ATP8A1: variants seen among roughly 807,000 people sequenced by gnomAD.
ATP8A1 encodes the protein phospholipid-transporting ATPase IA.
Under a neutral mutation model 177.7 loss-of-function variants are expected in ATP8A1, and 90 were observed. The observed-to-expected ratio is 0.51, with a 90% CI of 0.43 to 0.60. The LOEUF (loss-of-function observed/expected upper bound fraction) is 0.60, where lower values mean the gene tolerates loss of function less well. Among genes scored for constraint, ATP8A1 ranks in the 20% least tolerant of loss-of-function variants. ATP8A1 has a pLI of 0.00. For missense variants in ATP8A1, 1,072 were observed against 1,392.8 expected (o/e 0.77, Z 3.67); for synonymous variants, 493 against 485.9 (o/e 1.01, Z -0.19).
chr4:42,507,884 A>G (rs1025091647), intron 22 of ATP8A1, among the ~76,000 whole-genome samples: 1 of 150,160 alleles, frequency 6.7e-6, no homozygotes, highest in African/African-American at 2.5e-5. Flanking sequence ...GTGAGGTTAC[A>G]TGTTAACACT....
At chr4:42,625,444 C>G in intron 3 of ATP8A1, 170 bp downstream of exon 3, 2 of 465,968 alleles carry the variant, frequency 4.3e-6, no homozygotes, top group South Asian at 1.1e-4. Flanking sequence ...AAAAATGAAT[C>G]AAAAGGCTGG....
intron 25 of ATP8A1, among the ~76,000 whole-genome samples, chr4:42,475,673 G>A (rs28623626): frequency 0.056 from 8,547 of 152,044 alleles, 295 homozygotes; most frequent in African/African-American, 0.088. Flanking sequence ...TTGAATAATA[G>A]GTGCCACGTA....
chr4:42,604,673 A>ATACTACTGTATACCCAGAATTT, intron 5 of ATP8A1, among the ~76,000 whole-genome samples: 1 of 152,356 alleles, frequency 6.6e-6, no homozygotes, highest in Admixed American at 6.5e-5. Flanking sequence ...TTCTACTACT[A>ATACTACTGTATACCCAGAATTT]GGTGTATACC....
chr4:42,552,445 G>A, intron 17 of ATP8A1, 60 bp downstream of exon 17: 9 of 1,349,622 alleles, frequency 6.7e-6, no homozygotes, highest in Non-Finnish European at 9.3e-6. Context: ...AAATTAAATT[G>A]ACTTTTACAT....
intron 30 of ATP8A1, among the ~76,000 whole-genome samples, chr4:42,450,532 C>T (rs1012625722): frequency 6.6e-6 from 1 of 152,212 alleles, no homozygotes; most frequent in African/African-American, 2.4e-5. Context: ...CACTGTAATT[C>T]TCCTGGCCTC....
At chr4:42,448,396 C>CTTTACTTTTTT (rs778022629) in intron 30 of ATP8A1, among the ~76,000 whole-genome samples, 3,127 of 83,444 alleles carry the variant, frequency 0.037, 6 homozygotes, top group East Asian at 0.069. Flanking sequence ...CCTTCTCTTT[C>CTTTACTTTTTT]TTTTCTTTTT....
At chr4:42,421,045 G>C (rs547314259) in intron 35 of ATP8A1, among the ~76,000 whole-genome samples, 37 of 152,192 alleles carry the variant, frequency 2.4e-4, no homozygotes, top group African/African-American at 7.0e-4. Context: ...TGGGATTACA[G>C]GTGTGAGCCA....
At chr4:42,417,315 C>T (rs561357922) in intron 35 of ATP8A1, among the ~76,000 whole-genome samples, 2 of 139,340 alleles carry the variant, frequency 1.4e-5, no homozygotes, top group South Asian at 4.7e-4. Context: ...TTTAGTGGAA[C>T]AGCTTAACAG....
Position 42,586,221 on chromosome 4 carries a change from C to T in ATP8A1, c.722+128G>A, listed in dbSNP as rs1044604662. 2.0e-5 allele frequency: 21 copies of T among 1,053,194 alleles called. No homozygotes were observed. In the African/African-American group the frequency reaches 3.1e-4, roughly 15 times the overall value. 65.2% of individuals were successfully genotyped at this position (1,053,194 alleles called of 1,614,324 possible). A position where few individuals can be genotyped will look rare whatever the true frequency, so the allele number is the denominator to read the frequency against. ...AAGGACTCAGGGCAGAATAAAAATGCTTTAAAAAGGGTTTTGAGGACTCAA... is the reference window on the plus strand; with the variant it reads ...AAGGACTCAGGGCAGAATAAAAATGTTTTAAAAAGGGTTTTGAGGACTCAA... On this transcript the variant is annotated intron_variant, in intron 9 of 36. Coordinates refer to ENST00000381668, the MANE Select transcript of ATP8A1 (RefSeq NM_006095.2).
intron 24 of ATP8A1, among the ~76,000 whole-genome samples, chr4:42,494,198 C>T (rs1035651839): frequency 8.1e-6 from 1 of 123,792 alleles, no homozygotes; most frequent in African/African-American, 3.0e-5. Context: ...AGAGGTCAGG[C>T]TTGGTGGCTC....
intron 24 of ATP8A1, among the ~76,000 whole-genome samples, chr4:42,490,130 C>T (rs991706347): frequency 3.3e-5 from 5 of 152,162 alleles, no homozygotes; most frequent in Admixed American, 6.5e-5. Context: ...CCTTCCCTGA[C>T]CTGCAGCCTG....
chr4:42,651,054 G>A (rs1741041879), intron 1 of ATP8A1, among the ~76,000 whole-genome samples: 1 of 152,180 alleles, frequency 6.6e-6, no homozygotes, highest in African/African-American at 2.4e-5. Flanking sequence ...TAGTGAATAA[G>A]TCTCACAAGA....
At chr4:42,536,807 G>C (rs1429330314) in intron 20 of ATP8A1, among the ~76,000 whole-genome samples, 2 of 152,104 alleles carry the variant, frequency 1.3e-5, no homozygotes, top group Non-Finnish European at 2.9e-5. Context: ...GTCAATAAAT[G>C]TGACACACCA....
chr4:42,581,531 T>C, intron 10 of ATP8A1, 90 bp downstream of exon 10: 2 of 902,502 alleles, frequency 2.2e-6, no homozygotes, highest in Non-Finnish European at 3.7e-6. Flanking sequence ...ACAGATGGTC[T>C]CCTATGTTTG....
At chr4:42,487,536 T>A (rs28629945) in intron 24 of ATP8A1, among the ~76,000 whole-genome samples, 8,579 of 152,006 alleles carry the variant, frequency 0.056, 300 homozygotes, top group African/African-American at 0.089. Context: ...TATACATATT[T>A]ATATAATAAA....
At chr4:42,626,868 A>G (rs1402293695) in intron 2 of ATP8A1, 127 bp downstream of exon 2, 1 of 707,538 alleles carries the variant, frequency 1.4e-6, no homozygotes, top group East Asian at 2.7e-5. Context: ...CAGCCTATTC[A>G]CACTGCCAAC....
At chr4:42,559,118 T>A (rs1034687774) in intron 15 of ATP8A1, among the ~76,000 whole-genome samples, 1 of 152,106 alleles carries the variant, frequency 6.6e-6, no homozygotes, top group Non-Finnish European at 1.5e-5. Context: ...CTCTGGAGTT[T>A]GGGGCTGCAG....
At chr4:42,431,313 G>C (rs1340357700) in intron 33 of ATP8A1, among the ~76,000 whole-genome samples, 2 of 152,062 alleles carry the variant, frequency 1.3e-5, no homozygotes, top group African/African-American at 4.8e-5. Context: ...TCCTAGACTA[G>C]ATTACAATCA....
chr4:42,483,369 T>C (rs1290886852), intron 25 of ATP8A1, among the ~76,000 whole-genome samples: 1 of 108,782 alleles, frequency 9.2e-6, no homozygotes, highest in Non-Finnish European at 1.9e-5. Context: ...GAAAGATATG[T>C]GACTTAAGAA....
Sources: allele counts gnomAD v4.1 joint callset (sites outside exome capture counted in the v4.1 genomes callset), GRCh38; gene constraint gnomAD v4.1.1; transcripts MANE v1.5; gene names NCBI Gene and HGNC (gene_info 2026-07-23, HGNC 2026-07-21).